Variants in HCRTR2 observed in about 807,000 individuals in gnomAD.
HCRTR2 encodes the protein hypocretin receptor 2.
Under a neutral mutation model 49.0 loss-of-function variants are expected in HCRTR2, and 22 were observed. The ratio of observed to expected loss-of-function variants is 0.45; its 90% CI spans 0.32 to 0.64. The LOEUF (loss-of-function observed/expected upper bound fraction) is 0.64, where lower values mean the gene tolerates loss of function less well. HCRTR2 is among the 30% of genes least tolerant of loss of function. The pLI, the probability that HCRTR2 is intolerant of heterozygous loss-of-function variation, is 0.04. For missense variants in HCRTR2, 491 were observed against 559.4 expected (o/e 0.88, Z 1.23); for synonymous variants, 236 against 205.3 (o/e 1.15, Z -1.28).
intron 1 of HCRTR2, among the ~76,000 whole-genome samples, chr6:55,244,178 T>C (rs1007888910): frequency 2.0e-5 from 3 of 152,036 alleles, no homozygotes; most frequent in Non-Finnish European, 2.9e-5. Flanking sequence ...CTATTGGCCA[T>C]CTGAGAATTT....
intron 1 of HCRTR2, among the ~76,000 whole-genome samples, chr6:55,184,660 C>T (rs941014887): frequency 1.3e-5 from 2 of 152,182 alleles, no homozygotes; most frequent in African/African-American, 4.8e-5. Context: ...TACAGGTTGG[C>T]ATGGTAACAC....
At chr6:55,258,443 T>G (rs1034916787) in intron 3 of HCRTR2, among the ~76,000 whole-genome samples, 4 of 145,550 alleles carry the variant, frequency 2.7e-5, no homozygotes, top group African/African-American at 1.1e-4. Context: ...CTGAGAACTC[T>G]GTCTAACTAA....
At chr6:55,266,807 G>T (rs1474269965) in intron 4 of HCRTR2, among the ~76,000 whole-genome samples, 1 of 152,092 alleles carries the variant, frequency 6.6e-6, no homozygotes, top group South Asian at 2.1e-4. Context: ...TTTGTTAAAT[G>T]AATGAGTGAC....
upstream of HCRTR2, chr6:55,174,072 C>T (rs1194692491): frequency 5.5e-6 from 1 of 180,744 alleles, no homozygotes; most frequent in Non-Finnish European, 1.2e-5. Context: ...CAGACTGATG[C>T]ATGTCTGTGC....
upstream of HCRTR2, among the ~76,000 whole-genome samples, chr6:55,173,022 C>T (rs910399631): frequency 1.3e-5 from 2 of 152,046 alleles, no homozygotes; most frequent in African/African-American, 4.8e-5. Context: ...TAAAGGAAGA[C>T]CAAACAGATG....
chr6:55,182,885 T>A (rs1046512678), intron 1 of HCRTR2, among the ~76,000 whole-genome samples: 2 of 152,212 alleles, frequency 1.3e-5, no homozygotes, highest in African/African-American at 2.4e-5. Context: ...GATGGTGATG[T>A]CTCTGTCACA....
At chr6:55,134,056 T>A (rs148506611) in intron 1 of HCRTR2, among the ~76,000 whole-genome samples, 1 of 151,844 alleles carries the variant, frequency 6.6e-6, no homozygotes, top group African/African-American at 2.4e-5. Context: ...ATTTCTTTTC[T>A]TTTTTCTTTG....
intron 4 of HCRTR2, among the ~76,000 whole-genome samples, chr6:55,274,156 C>T (rs896591720): frequency 6.7e-6 from 1 of 149,840 alleles, no homozygotes; most frequent in African/African-American, 2.4e-5. Context: ...ATTAACAATA[C>T]TAAGCCTTTT....
At chr6:55,212,560 C>T (rs1442921372) in intron 1 of HCRTR2, among the ~76,000 whole-genome samples, 1 of 152,042 alleles carries the variant, frequency 6.6e-6, no homozygotes, top group Non-Finnish European at 1.5e-5. Context: ...TTCTTTTGGG[C>T]CTCTTTCCCT....
intron 1 of HCRTR2, among the ~76,000 whole-genome samples, chr6:55,247,220 G>T (rs1766462751): frequency 1.3e-5 from 2 of 151,930 alleles, no homozygotes; most frequent in African/African-American, 4.8e-5. Flanking sequence ...AAATAATAAA[G>T]ACTACAGTTA....
At chr6:55,189,023 G>T (rs879670014) in intron 1 of HCRTR2, among the ~76,000 whole-genome samples, 5 of 152,092 alleles carry the variant, frequency 3.3e-5, no homozygotes, top group Non-Finnish European at 7.4e-5. Flanking sequence ...AATCATTCAG[G>T]GAATTCCAAT....
At chr6:55,186,534 T>C (rs1447474654) in intron 1 of HCRTR2, among the ~76,000 whole-genome samples, 1 of 152,226 alleles carries the variant, frequency 6.6e-6, no homozygotes, top group African/African-American at 2.4e-5. Flanking sequence ...AAATGAAATT[T>C]ACAAATTTGG....
chr6:55,200,869 T>C (rs923617259), intron 1 of HCRTR2, among the ~76,000 whole-genome samples: 2 of 152,232 alleles, frequency 1.3e-5, no homozygotes, highest in Non-Finnish European at 2.9e-5. Context: ...CTGTAATTTA[T>C]TTCAATATTC....
intron 1 of HCRTR2, among the ~76,000 whole-genome samples, chr6:55,158,294 T>C (rs1196195693): frequency 2.0e-5 from 3 of 152,196 alleles, no homozygotes; most frequent in Non-Finnish European, 2.9e-5. Flanking sequence ...GCTTTTCCCA[T>C]GTTCTTCACA....
chr6:55,119,671 C>T (rs752126617), intron 1 of HCRTR2, among the ~76,000 whole-genome samples: 9 of 149,684 alleles, frequency 6.0e-5, no homozygotes, highest in Non-Finnish European at 1.2e-4. Context: ...TGGATATTAG[C>T]CCTTTGTCAG....
chr6:55,260,117 A>G (rs1337748487), intron 3 of HCRTR2, among the ~76,000 whole-genome samples: 1 of 152,204 alleles, frequency 6.6e-6, no homozygotes, highest in Non-Finnish European at 1.5e-5. Flanking sequence ...TTTTGCTACC[A>G]TCTATTCAAA....
At chr6:55,247,623 C>G (rs1766471365) in intron 1 of HCRTR2, among the ~76,000 whole-genome samples, 1 of 152,018 alleles carries the variant, frequency 6.6e-6, no homozygotes, top group Non-Finnish European at 1.5e-5. Context: ...AGCGTGTACA[C>G]CTATATAATT....
At chr6:55,203,458 C>T (rs918105759) in intron 1 of HCRTR2, among the ~76,000 whole-genome samples, 7 of 152,270 alleles carry the variant, frequency 4.6e-5, no homozygotes, top group Non-Finnish European at 1.0e-4. Flanking sequence ...AAAACAAATC[C>T]TGTCTTCCTG....
At chr6:55,210,599 A>G (rs1446326334) in intron 1 of HCRTR2, among the ~76,000 whole-genome samples, 1 of 152,158 alleles carries the variant, frequency 6.6e-6, no homozygotes, top group East Asian at 1.9e-4. Flanking sequence ...GGAGAATAAA[A>G]TAAGTAAATT....
Sources: gnomAD v4.1 joint callset for allele counts (sites outside exome capture counted in the v4.1 genomes callset) on GRCh38, gnomAD v4.1.1 for gene constraint, MANE v1.5 for transcripts, NCBI Gene and HGNC (gene_info 2026-07-23, HGNC 2026-07-21) for gene names.